ZNF433: variants seen among roughly 807,000 people sequenced by gnomAD.
The protein encoded by ZNF433 is zinc finger protein 433.
In ZNF433, 12 loss-of-function variants were observed where a neutral mutation model predicts 10.6. The ratio of observed to expected loss-of-function variants is 1.13; its 90% CI spans 0.72 to 1.83. ZNF433 has a LOEUF of 1.83. Ranked by LOEUF, ZNF433 falls within the 40% of genes most tolerant of loss-of-function variation. ZNF433 has a pLI of 0.00. For missense variants in ZNF433, 737 were observed against 798.0 expected (o/e 0.92, Z 0.92); for synonymous variants, 272 against 271.3 (o/e 1.00, Z -0.02).
rs962947392 is a variant in ZNF433 at position 12,015,909 on chromosome 19, T to C, written c.949A>G (p.Lys317Glu). The part of the protein sequence containing the change: ...YECKECGKAF[K>E]CPSSVRRHER... ...TGTCTGCGAACAGAACTGGGACACT[T>C]GAATGCTTTTCCACATTCCTTACAT... Residue 317 changes from lysine to glutamate, a missense_variant, in exon 4 of 4, where the codon AAG becomes GAG. Physicochemically the swap from Lys to Glu is moderately conservative, Grantham distance 56. Transcript: ENST00000550507. The C allele has an allele frequency of 1.9e-6, 3 of 1,613,996 alleles. No homozygotes were observed. Among genetic ancestry groups the C allele is most frequent in the Non-Finnish European group, 2.5e-6 (3 of 1,179,942 alleles).
At position 12,030,222 on chromosome 19, in the gene ZNF433, T is replaced by G. The variant is rs536184270; in HGVS notation, c.3+5315A>C. On this transcript the variant is annotated intron_variant, in intron 1 of 3. Transcript: ENST00000550507. ...AACTGTCAGAAAGAAATGTTTATTT[T>G]TTTATTTTTTTATTTTTTTGAGACG... 3.3e-5 allele frequency: 14 copies of G among 419,004 alleles called. No homozygotes were observed. The East Asian group carries it at 4.6e-4, about 14-fold the overall frequency. The allele number at this position is 419,004 out of a possible 1,614,324, so 26.0% of individuals were successfully genotyped here. A position where few individuals can be genotyped will look rare whatever the true frequency, so the allele number is the denominator to read the frequency against.
intron 1 of ZNF433, among the ~76,000 whole-genome samples, chr19:12,019,263 A>T (rs1008232753): frequency 1.3e-5 from 2 of 152,036 alleles, no homozygotes; most frequent in African/African-American, 4.8e-5. Context: ...TCTACTAAAA[A>T]TACAAAAATA....
intron 1 of ZNF433, among the ~76,000 whole-genome samples, chr19:12,032,475 CTAAA>C (rs767917879): frequency 6.7e-6 from 1 of 148,830 alleles, no homozygotes; most frequent in Non-Finnish European, 1.5e-5. Context: ...GAATATAAGA[CTAAA>C]TAGCGATTTT....
intron 1 of ZNF433, among the ~76,000 whole-genome samples, chr19:12,020,860 C>T (rs1329582872): frequency 4.0e-5 from 6 of 150,458 alleles, no homozygotes; most frequent in East Asian, 2.0e-4. Flanking sequence ...GCCGACATTG[C>T]GCCATTGCAC....
intron 1 of ZNF433, among the ~76,000 whole-genome samples, chr19:12,020,923 A>T (rs1974460443): frequency 6.6e-6 from 1 of 151,500 alleles, no homozygotes; most frequent in African/African-American, 2.4e-5. Flanking sequence ...AATATAAAAA[A>T]AAAAAAACAG....
At chr19:12,030,021 G>GAAGTGATCCTCCTACCT in intron 1 of ZNF433, 1 of 223,052 alleles carries the variant, frequency 4.5e-6, no homozygotes. Flanking sequence ...GGCAGAGGTT[G>GAAGTGATCCTCCTACCT]CAGTAAGCCG....
intron 1 of ZNF433, among the ~76,000 whole-genome samples, chr19:12,033,228 G>C (rs1156859221): frequency 6.6e-6 from 1 of 152,096 alleles, no homozygotes; most frequent in Non-Finnish European, 1.5e-5. Flanking sequence ...GGAGTAGCTG[G>C]GACTACAGGT....
rs749710037 is a variant in ZNF433 at position 12,018,216 on chromosome 19, T to G, written c.80A>C (p.Asn27Thr). The change falls in exon 2 of 4, where the codon AAT (asparagine) becomes ACT (threonine). Residue 27 changes from asparagine to threonine, a missense_variant. Coordinates refer to ENST00000550507, the MANE Select transcript of ZNF433 (RefSeq NM_001308348.2). ...EWALLDPSQK[N>T]LCRDVMQETF... The stretch of plus-strand genomic sequence containing the variant: ...TTCTTGCATCACATCTCTACAGAGA[T>G]TTTTCTGGGAAGGATCCAGCAAAGC... 6.2e-6 allele frequency: 10 copies of G among 1,612,852 alleles called. No individual in the cohort carries two copies. In the Admixed American group the frequency reaches 1.7e-4, roughly 27 times the overall value.
intron 1 of ZNF433, among the ~76,000 whole-genome samples, chr19:12,027,487 C>T (rs945110832): frequency 8.5e-5 from 13 of 152,150 alleles, no homozygotes; most frequent in Admixed American, 5.2e-4. Context: ...CCACCCAGGG[C>T]GGAAAACTGC....
At chr19:12,022,721 G>A (rs157188) in intron 1 of ZNF433, among the ~76,000 whole-genome samples, 5,221 of 152,260 alleles carry the variant, frequency 0.034, 325 homozygotes, top group African/African-American at 0.12. Context: ...TGAGGAGGAG[G>A]AAGGAAAGTA....
At chr19:12,018,324 GA>G in intron 1 of ZNF433, 32 bp from the exon 2 acceptor site, 1 of 1,595,934 alleles carries the variant, frequency 6.3e-7, no homozygotes, top group Non-Finnish European at 8.5e-7. Flanking sequence ...GAGGAGGATG[GA>G]TAAGACTAAC....
chr19:12,015,427 ACATT>A lies in ZNF433; in HGVS notation c.1427_1430del (p.Glu476ValfsTer191). The A allele has an allele frequency of 6.2e-7, 1 of 1,614,072 alleles. No individual in the cohort carries two copies. Among genetic ancestry groups the A allele is most frequent in the Non-Finnish European group, 8.5e-7 (1 of 1,179,948 alleles). On this transcript the variant is annotated frameshift_variant, in exon 4 of 4. Transcript: ENST00000550507. LOFTEE classifies it low-confidence loss of function (END_TRUNC). ...AACTGAATGTTTTCCCATAACCCTT[ACATT>A]CATACGGCTTCTCTTCTCTGTGCAT...
chr19:12,020,972 G>GTT (rs796891710), intron 1 of ZNF433, among the ~76,000 whole-genome samples: 6,114 of 136,606 alleles, frequency 0.045, 162 homozygotes, highest in African/African-American at 0.083. Flanking sequence ...CTGCTTTACT[G>GTT]TTTTTTTTTT....
In ZNF433 at chr19:12,016,008, ACT is replaced by A. The variant is rs763528802; in HGVS notation, c.848_849del (p.Gln283LeufsTer15). ...TGGGAAGAGCTGAAGGCTTTCCCAC[ACT>A]GTTTACATTCATATGGCTTCTCCCC... ...HTGEKPYECK[Q>X]CGKAFSSSHS... On this transcript the variant is annotated frameshift_variant, in exon 4 of 4. Coordinates refer to ENST00000550507, the MANE Select transcript of ZNF433 (RefSeq NM_001308348.2). LOFTEE classifies it low-confidence loss of function (END_TRUNC). 4 of 1,613,928 alleles carry A rather than the reference ACT, an allele frequency of 2.5e-6. No homozygotes were observed. Among genetic ancestry groups the A allele is most frequent in the African/African-American group, 2.7e-5 (2 of 74,912 alleles).
chr19:12,034,553 C>A, intron 1 of ZNF433: 1 of 272,492 alleles, frequency 3.7e-6, no homozygotes, highest in Non-Finnish European at 7.4e-6. Context: ...CAATAAGAAA[C>A]CAAATTACAA....
At position 12,018,279 on chromosome 19, in the gene ZNF433, A is replaced by G. The variant is rs1406370930; in HGVS notation, c.17T>C (p.Phe6Ser). MDSVA[F>S]EDVAVTFTQE... is the part of the protein sequence containing the mutation. ...GGTGAAGGTCACAGCCACATCCTCA[A>G]AGGCCACTGAATCCTGAAACATCTC... The change falls in exon 2 of 4, where the codon TTT (phenylalanine) becomes TCT (serine). Residue 6 changes from phenylalanine to serine, a missense_variant. Transcript: ENST00000550507. 6.2e-7 allele frequency: 1 copy of G among 1,613,484 alleles called. No individual in the cohort carries two copies. Among genetic ancestry groups the G allele is most frequent in the South Asian group, 1.1e-5 (1 of 91,008 alleles).
chr19:12,021,986 C>T (rs564239285), intron 1 of ZNF433: 80 of 456,646 alleles, frequency 1.8e-4, no homozygotes, highest in African/African-American at 8.2e-4. Flanking sequence ...TCAACCGTCA[C>T]GCTGTGATAG....
intron 1 of ZNF433, among the ~76,000 whole-genome samples, chr19:12,020,973 T>G (rs995144040): frequency 1.7e-5 from 2 of 119,680 alleles, no homozygotes; most frequent in Admixed American, 7.8e-5. Flanking sequence ...TGCTTTACTG[T>G]TTTTTTTTTT....
Position 12,021,573 on chromosome 19 carries a change from G to A in ZNF433, c.4-3281C>T, listed in dbSNP as rs536247614. On this transcript the variant is annotated intron_variant, in intron 1 of 3. Transcript: ENST00000550507. ...GGAGACAGCCTATTACGTGTCGTGA[G>A]AACTGTAATATAATATACAGAACTG... 2.0e-5 allele frequency among the ~76,000 whole-genome samples: 3 copies of A among 152,274 alleles called. No homozygotes were observed. In the South Asian group the frequency reaches 6.2e-4, roughly 32 times the overall value.
Sources: allele counts gnomAD v4.1 joint callset (sites outside exome capture counted in the v4.1 genomes callset), GRCh38; gene constraint gnomAD v4.1.1; transcripts MANE v1.5; gene names NCBI Gene and HGNC (gene_info 2026-07-23, HGNC 2026-07-21).